ITFG1: variants seen among roughly 807,000 people sequenced by gnomAD.
The protein encoded by ITFG1 is T-cell immunomodulatory protein.
ITFG1 carries 34 observed loss-of-function variants against 81.8 expected under a neutral mutation model. The ratio of observed to expected loss-of-function variants is 0.42; its 90% CI spans 0.32 to 0.55. The LOEUF (loss-of-function observed/expected upper bound fraction) is 0.55, where lower values mean the gene tolerates loss of function less well. ITFG1 is among the 20% of genes least tolerant of loss of function. ITFG1 has a pLI of 0.17. For missense variants in ITFG1, 672 were observed against 755.4 expected (o/e 0.89, Z 1.29); for synonymous variants, 285 against 270.6 (o/e 1.05, Z -0.52).
chr16:47,419,768 AATTTTTAC>A (rs1968920939), intron 6 of ITFG1, among the ~76,000 whole-genome samples: 1 of 151,052 alleles, frequency 6.6e-6, no homozygotes. Flanking sequence ...ATGCCCGGCT[AATTTTTAC>A]ATTTTTAGTA....
At chr16:47,218,069 ACT>A (rs1965647001) in intron 14 of ITFG1, 1 of 152,176 alleles carries the variant, frequency 6.6e-6, no homozygotes, top group Admixed American at 6.5e-5. Flanking sequence ...AAAAAAGTAA[ACT>A]CACTCTGGGG....
chr16:47,429,956 C>T (rs894390915), intron 5 of ITFG1, among the ~76,000 whole-genome samples: 1 of 151,716 alleles, frequency 6.6e-6, no homozygotes. Context: ...TACCCTCAGT[C>T]CCTGTTGGTG....
chr16:47,393,410 T>C (rs930604037), intron 6 of ITFG1, among the ~76,000 whole-genome samples: 2 of 152,134 alleles, frequency 1.3e-5, no homozygotes, highest in African/African-American at 4.8e-5. Flanking sequence ...GAGAAGGTCC[T>C]TGGTAGATTG....
Position 47,400,457 on chromosome 16 carries a change from T to TACACACAC in ITFG1, c.656-24525_656-24518dup, listed in dbSNP as rs111375193. ...GTTAATAGGGAAGACAGAGTCACTTTACACACACACACACACACACACACA... is the reference window on the plus strand; with the variant it reads ...GTTAATAGGGAAGACAGAGTCACTTTACACACACACACACACACACACACACACACACA... On this transcript the variant is annotated intron_variant, in intron 6 of 17. Coordinates refer to ENST00000320640, the MANE Select transcript of ITFG1 (RefSeq NM_030790.5). Among the ~76,000 whole-genome samples, 476 of 137,030 alleles carry TACACACAC rather than the reference T, an allele frequency of 3.5e-3. 4 individuals are homozygous for TACACACAC. Among genetic ancestry groups the TACACACAC allele is most frequent in the African/African-American group, 0.012 (448 of 36,664 alleles). The allele number at this position is 137,030 out of a possible 152,430, so 89.9% of individuals were successfully genotyped here.
At chr16:47,262,954 A>G in intron 10 of ITFG1, 1 of 175,712 alleles carries the variant, frequency 5.7e-6, no homozygotes, top group South Asian at 1.5e-4. Flanking sequence ...GGGTGCTTAC[A>G]TTGCCTCCAG....
At chr16:47,227,129 T>A (rs1965767406) in intron 13 of ITFG1, among the ~76,000 whole-genome samples, 1 of 152,232 alleles carries the variant, frequency 6.6e-6, no homozygotes, top group Non-Finnish European at 1.5e-5. Context: ...TATAGGTCTT[T>A]TGGTTTCTTA....
intron 13 of ITFG1, among the ~76,000 whole-genome samples, chr16:47,224,499 G>A (rs1965734792): frequency 6.6e-6 from 1 of 152,142 alleles, no homozygotes; most frequent in Non-Finnish European, 1.5e-5. Flanking sequence ...ATTAAGCTGA[G>A]TGGCAACACA....
At chr16:47,447,221 TG>T in intron 5 of ITFG1, among the ~76,000 whole-genome samples, 1 of 152,200 alleles carries the variant, frequency 6.6e-6, no homozygotes, top group South Asian at 2.1e-4. Flanking sequence ...TAAAGCAAAA[TG>T]GTTTCTCCCC....
intron 2 of ITFG1, among the ~76,000 whole-genome samples, chr16:47,456,509 G>A (rs534088310): frequency 3.9e-5 from 6 of 152,008 alleles, no homozygotes; most frequent in South Asian, 2.1e-4. Context: ...CGGGCAACAC[G>A]GTGAAACCCT....
intron 10 of ITFG1, among the ~76,000 whole-genome samples, chr16:47,263,978 TTTACCC>T (rs1966243823): frequency 6.6e-6 from 1 of 152,322 alleles, no homozygotes; most frequent in South Asian, 2.1e-4. Context: ...AGGAAGAACC[TTTACCC>T]ATTTGGTTTA....
intron 14 of ITFG1, among the ~76,000 whole-genome samples, chr16:47,204,268 A>G (rs921833220): frequency 2.6e-5 from 4 of 152,188 alleles, no homozygotes; most frequent in African/African-American, 9.7e-5. Flanking sequence ...CCGAAGATTC[A>G]CCCTTGGTAA....
At chr16:47,421,196 T>A (rs1158878588) in intron 6 of ITFG1, among the ~76,000 whole-genome samples, 1 of 151,272 alleles carries the variant, frequency 6.6e-6, no homozygotes, top group African/African-American at 2.4e-5. Flanking sequence ...TTTAAAAGAA[T>A]CCATTTAGCC....
intron 14 of ITFG1, among the ~76,000 whole-genome samples, chr16:47,201,421 A>G (rs1195779407): frequency 1.3e-5 from 2 of 152,010 alleles, no homozygotes; most frequent in African/African-American, 4.8e-5. Context: ...GTTAGCCAGG[A>G]TGGTCTAGAT....
At chr16:47,256,122 C>A (rs1331025582) in intron 12 of ITFG1, among the ~76,000 whole-genome samples, 1 of 152,056 alleles carries the variant, frequency 6.6e-6, no homozygotes, top group Non-Finnish European at 1.5e-5. Context: ...CGTCACCACG[C>A]CCAACTAAAT....
At chr16:47,453,088 G>A (rs1969409176) in intron 3 of ITFG1, among the ~76,000 whole-genome samples, 1 of 152,166 alleles carries the variant, frequency 6.6e-6, no homozygotes, top group African/African-American at 2.4e-5. Flanking sequence ...GTGCTAGAGA[G>A]GTTGACAATT....
chr16:47,443,708 T>C (rs1316814774), intron 5 of ITFG1, among the ~76,000 whole-genome samples: 1 of 151,502 alleles, frequency 6.6e-6, no homozygotes, highest in Non-Finnish European at 1.5e-5. Flanking sequence ...AGAGAACACA[T>C]GGACAGAGGA....
chr16:47,300,726 G>C (rs1461201571), intron 10 of ITFG1, among the ~76,000 whole-genome samples: 1 of 152,192 alleles, frequency 6.6e-6, no homozygotes, highest in Admixed American at 6.5e-5. Context: ...ATATAAAAAA[G>C]ACATCTTGAA....
At chr16:47,329,022 T>TATAA (rs1967602095) in intron 8 of ITFG1, among the ~76,000 whole-genome samples, 1 of 152,150 alleles carries the variant, frequency 6.6e-6, no homozygotes, top group South Asian at 2.1e-4. Context: ...CGTATTTAAA[T>TATAA]ATAAAAATCC....
chr16:47,321,996 G>A (rs1483142202), intron 8 of ITFG1, among the ~76,000 whole-genome samples: 1 of 152,128 alleles, frequency 6.6e-6, no homozygotes, highest in East Asian at 1.9e-4. Flanking sequence ...ATTTTTAAAT[G>A]GCATAAATGA....
Sources: allele counts gnomAD v4.1 joint callset (sites outside exome capture counted in the v4.1 genomes callset), GRCh38; gene constraint gnomAD v4.1.1; transcripts MANE v1.5; gene names NCBI Gene and HGNC (gene_info 2026-07-23, HGNC 2026-07-21).